AP2B1: variants seen among roughly 807,000 people sequenced by gnomAD.
AP2B1 encodes the protein adaptor related protein complex 2 subunit beta 1.
A neutral mutation model predicts 102.0 loss-of-function variants in AP2B1; 23 were observed. That is an observed-to-expected ratio of 0.23 (90% CI 0.16 to 0.32). AP2B1 has a LOEUF of 0.32. Among genes scored for constraint, AP2B1 ranks in the 10% least tolerant of loss-of-function variants. The pLI is 1.00. For missense variants in AP2B1, 541 were observed against 1,157.4 expected (o/e 0.47, Z 7.73); for synonymous variants, 381 against 421.2 (o/e 0.90, Z 1.17).
intron 17 of AP2B1, among the ~76,000 whole-genome samples, chr17:35,680,941 C>G (rs776478381): frequency 1.3e-5 from 2 of 151,934 alleles, no homozygotes; most frequent in South Asian, 2.1e-4. Context: ...GTGATCCGCC[C>G]GCTGCAGCCT....
At chr17:35,594,837 T>C (rs2073212635) in intron 2 of AP2B1, among the ~76,000 whole-genome samples, 1 of 152,212 alleles carries the variant, frequency 6.6e-6, no homozygotes, top group African/African-American at 2.4e-5. Context: ...AGGATTCTTC[T>C]GGGGAAAGTC....
rs1231643709 is a variant in AP2B1 at position 35,593,896 on chromosome 17, GA to G, written c.-23-109del. ...TAAAGGAAGATGATACTCATTTTTA[GA>G]AATTCTTAAATATAAGTGTTCCTAA... On this transcript the variant is annotated intron_variant, in intron 1 of 21. Transcript: ENST00000610402. 5.5e-6 allele frequency: 3 copies of G among 546,672 alleles called. No individual in the cohort carries two copies. The African/African-American group carries it at 5.9e-5, about 11-fold the overall frequency. The allele number at this position is 546,672 out of a possible 1,614,324, so 33.9% of individuals were successfully genotyped here.
chr17:35,619,077 A>C (rs892327324), intron 5 of AP2B1, among the ~76,000 whole-genome samples: 14 of 152,180 alleles, frequency 9.2e-5, no homozygotes, highest in African/African-American at 3.4e-4. Flanking sequence ...ACCAAGTATT[A>C]GTACTCAGAC....
intron 10 of AP2B1, among the ~76,000 whole-genome samples, chr17:35,636,876 A>G (rs914374076): frequency 6.6e-6 from 1 of 152,204 alleles, no homozygotes; most frequent in Non-Finnish European, 1.5e-5. Context: ...ACCCTACCAT[A>G]AAAGCCAGGA....
chr17:35,614,873 G>A (rs1310367580), intron 5 of AP2B1, among the ~76,000 whole-genome samples: 1 of 152,072 alleles, frequency 6.6e-6, no homozygotes, highest in Non-Finnish European at 1.5e-5. Context: ...TTGACTATGT[G>A]CTAGCCAGCA....
At chr17:35,626,144 C>T (rs2142564056) in intron 6 of AP2B1, among the ~76,000 whole-genome samples, 1 of 152,244 alleles carries the variant, frequency 6.6e-6, no homozygotes, top group South Asian at 2.1e-4. Context: ...GTTTTCCCTA[C>T]CAGCCTGCCT....
chr17:35,652,250 G>A (rs2075106591), intron 13 of AP2B1, among the ~76,000 whole-genome samples: 1 of 152,146 alleles, frequency 6.6e-6, no homozygotes, highest in South Asian at 2.1e-4. Flanking sequence ...TGCAAGTACA[G>A]GGAAAATCTG....
At chr17:35,594,113 G>A (rs1160041246) in intron 2 of AP2B1, 46 bp downstream of exon 2, 1 of 1,410,150 alleles carries the variant, frequency 7.1e-7, no homozygotes. Context: ...TTCAAAAGTT[G>A]TAGTGTAAGA....
chr17:35,627,244 G>GGTTT (rs1598092521), intron 7 of AP2B1, 141 bp from the exon 8 acceptor site: 1 of 478,574 alleles, frequency 2.1e-6, no homozygotes, highest in African/African-American at 5.0e-5. Flanking sequence ...GGAAGTTTAT[G>GGTTT]CTTTTTTTTT....
intron 13 of AP2B1, among the ~76,000 whole-genome samples, chr17:35,655,059 G>A (rs1306098122): frequency 1.3e-5 from 2 of 151,890 alleles, no homozygotes; most frequent in Admixed American, 6.6e-5. Context: ...AAATAATAGG[G>A]TGTTTATTAT....
intron 17 of AP2B1, among the ~76,000 whole-genome samples, chr17:35,679,374 A>G (rs1235407063): frequency 1.3e-5 from 2 of 150,590 alleles, no homozygotes; most frequent in Admixed American, 1.3e-4. Flanking sequence ...CCCCCTTGGT[A>G]GAAAGGGACT....
At chr17:35,693,113 G>A (rs925996077) in intron 18 of AP2B1, among the ~76,000 whole-genome samples, 1 of 152,112 alleles carries the variant, frequency 6.6e-6, no homozygotes, top group Non-Finnish European at 1.5e-5. Context: ...TGCCTCTCAG[G>A]TTCAAGTGAT....
At chr17:35,676,973 A>G (rs1000635369) in intron 17 of AP2B1, among the ~76,000 whole-genome samples, 1 of 152,194 alleles carries the variant, frequency 6.6e-6, no homozygotes, top group Non-Finnish European at 1.5e-5. Flanking sequence ...TTTTCAAAAA[A>G]AACCAAAAGG....
chr17:35,666,937 G>C (rs188618105), intron 14 of AP2B1, among the ~76,000 whole-genome samples: 1 of 152,288 alleles, frequency 6.6e-6, no homozygotes, highest in East Asian at 1.9e-4. Context: ...GGAAGTTAGA[G>C]CCCAGCCTGA....
chr17:35,588,768 C>A (rs1292155147), intron 1 of AP2B1: 1 of 152,188 alleles, frequency 6.6e-6, no homozygotes, highest in African/African-American at 2.4e-5. Context: ...GCCGTTGAAA[C>A]TTTCAAGGAA....
intron 16 of AP2B1, among the ~76,000 whole-genome samples, chr17:35,673,194 C>T (rs1309279290): frequency 6.6e-6 from 1 of 152,190 alleles, no homozygotes; most frequent in African/African-American, 2.4e-5. Context: ...GTCAGAACAG[C>T]TCATGACTCC....
At chr17:35,679,298 C>T (rs2075767255) in intron 17 of AP2B1, among the ~76,000 whole-genome samples, 1 of 152,108 alleles carries the variant, frequency 6.6e-6, no homozygotes, top group Non-Finnish European at 1.5e-5. Context: ...CAAGGAAGCC[C>T]TGTCTTCCAA....
chr17:35,618,129 C>T (rs1263887066), intron 5 of AP2B1, among the ~76,000 whole-genome samples: 2 of 152,112 alleles, frequency 1.3e-5, no homozygotes, highest in Non-Finnish European at 2.9e-5. Flanking sequence ...AGTTGGCATT[C>T]TAGACAGTGT....
chr17:35,657,316 G>C (rs976504369), intron 13 of AP2B1, among the ~76,000 whole-genome samples: 12 of 152,126 alleles, frequency 7.9e-5, no homozygotes, highest in African/African-American at 2.7e-4. Context: ...TCTCCTTACA[G>C]TGTTCCCTCA....
Sources: gnomAD v4.1 joint callset for allele counts (sites outside exome capture counted in the v4.1 genomes callset) on GRCh38, gnomAD v4.1.1 for gene constraint, MANE v1.5 for transcripts, NCBI Gene and HGNC (gene_info 2026-07-23, HGNC 2026-07-21) for gene names.